Variants in MRPL13 observed in about 807,000 individuals in gnomAD.
The protein encoded by MRPL13 is large ribosomal subunit protein uL13m.
In MRPL13, 33 loss-of-function variants were observed where a neutral mutation model predicts 29.0. The observed-to-expected ratio is 1.14, with a 90% CI of 0.86 to 1.52. The LOEUF is 1.52. Among genes scored for constraint, MRPL13 ranks in the 40% most tolerant of loss-of-function variants. The pLI is 0.00. For missense variants in MRPL13, 227 were observed against 216.7 expected, an observed-to-expected ratio of 1.05 and a Z score of -0.30; for synonymous variants, 77 against 68.4, an observed-to-expected ratio of 1.13 and a Z score of -0.62.
At chr8:120,412,116 A>G in intron 6 of MRPL13, among the ~76,000 whole-genome samples, 1 of 152,112 alleles carries the variant, frequency 6.6e-6, no homozygotes, top group Non-Finnish European at 1.5e-5. Flanking sequence ...ATTATTTCTA[A>G]TTTTAAAAAA....
At chr8:120,421,340 C>T (rs1812872317) in intron 4 of MRPL13, among the ~76,000 whole-genome samples, 1 of 151,728 alleles carries the variant, frequency 6.6e-6, no homozygotes. Flanking sequence ...GAATAATCTA[C>T]ATCATTATGA....
At chr8:120,431,636 G>C (rs565219296) in intron 3 of MRPL13, among the ~76,000 whole-genome samples, 12 of 152,278 alleles carry the variant, frequency 7.9e-5, no homozygotes, top group African/African-American at 2.4e-4. Context: ...ACTTAAGAGA[G>C]ATACTGACAA....
At chr8:120,425,475 G>T in intron 3 of MRPL13, 109 bp from the exon 4 acceptor site, 1 of 734,028 alleles carries the variant, frequency 1.4e-6, no homozygotes, top group Non-Finnish European at 2.2e-6. Flanking sequence ...TCTCGAAACT[G>T]CTTTTCATTA....
intron 3 of MRPL13, among the ~76,000 whole-genome samples, chr8:120,429,540 A>C (rs1332828699): frequency 6.6e-6 from 1 of 152,064 alleles, no homozygotes; most frequent in Non-Finnish European, 1.5e-5. Context: ...GATGTTTATC[A>C]GCCCCTTATA....
chr8:120,420,020 A>C (rs1812851855), intron 4 of MRPL13, 82 bp from the exon 5 acceptor site: 1 of 889,776 alleles, frequency 1.1e-6, no homozygotes, highest in Admixed American at 3.2e-5. Context: ...ATGATGATGA[A>C]AATGAGGGGT....
intron 2 of MRPL13, among the ~76,000 whole-genome samples, chr8:120,439,060 A>G (rs1338048881): frequency 6.6e-6 from 1 of 152,230 alleles, no homozygotes; most frequent in Non-Finnish European, 1.5e-5. Flanking sequence ...TTTATTTGTT[A>G]CCCCAAAATC....
intron 2 of MRPL13, among the ~76,000 whole-genome samples, chr8:120,436,833 A>G (rs1227291234): frequency 6.6e-6 from 1 of 152,226 alleles, no homozygotes; most frequent in Non-Finnish European, 1.5e-5. Flanking sequence ...GTGATAAACA[A>G]CAAAGTTTGG....
intron 6 of MRPL13, among the ~76,000 whole-genome samples, chr8:120,413,173 C>T (rs1812760038): frequency 6.6e-6 from 1 of 152,092 alleles, no homozygotes; most frequent in Non-Finnish European, 1.5e-5. Flanking sequence ...TTCCTAAAGT[C>T]ACTTATAAAA....
chr8:120,408,988 C>T (rs1398576324), intron 6 of MRPL13, among the ~76,000 whole-genome samples: 1 of 152,176 alleles, frequency 6.6e-6, no homozygotes, highest in Non-Finnish European at 1.5e-5. Flanking sequence ...TAATCCTCAT[C>T]CTACTTTCGA....
intron 5 of MRPL13, among the ~76,000 whole-genome samples, chr8:120,417,565 G>A (rs776184332): frequency 1.5e-4 from 23 of 151,994 alleles, no homozygotes; most frequent in African/African-American, 3.4e-4. Flanking sequence ...CACTGTAGCC[G>A]TATAGATTTT....
chr8:120,429,833 TTCAAA>T (rs1296061837), intron 3 of MRPL13, among the ~76,000 whole-genome samples: 4 of 152,200 alleles, frequency 2.6e-5, no homozygotes, highest in Non-Finnish European at 5.9e-5. Context: ...TCTTGTATAC[TTCAAA>T]TCATCTCTAG....
At chr8:120,416,299 C>T (rs1413434559) in intron 5 of MRPL13, among the ~76,000 whole-genome samples, 1 of 152,008 alleles carries the variant, frequency 6.6e-6, no homozygotes, top group Non-Finnish European at 1.5e-5. Context: ...TCGAGACCAT[C>T]CTGGCTAACA....
intron 4 of MRPL13, among the ~76,000 whole-genome samples, chr8:120,421,347 A>C (rs1812872443): frequency 6.6e-6 from 1 of 151,922 alleles, no homozygotes; most frequent in South Asian, 2.1e-4. Context: ...CTACATCATT[A>C]TGAAAAATTT....
chr8:120,439,162 G>A (rs1385256233), intron 2 of MRPL13, among the ~76,000 whole-genome samples: 3 of 152,226 alleles, frequency 2.0e-5, no homozygotes, highest in South Asian at 2.1e-4. Context: ...AGCTGAGGCT[G>A]AACAAGGTGA....
intron 5 of MRPL13, chr8:120,415,301 A>G (rs1181694629): frequency 6.6e-6 from 1 of 152,206 alleles, no homozygotes; most frequent in Non-Finnish European, 1.5e-5. Flanking sequence ...TTCTCATTAT[A>G]GTATGTGTAC....
chr8:120,419,977 C>G (rs1388131904), intron 4 of MRPL13, 39 bp from the exon 5 acceptor site: 16 of 1,351,846 alleles, frequency 1.2e-5, no homozygotes, highest in Non-Finnish European at 1.6e-5. Flanking sequence ...AAAATTGTGA[C>G]TTGCGATAGT....
chr8:120,435,815 C>T (rs1227136960), intron 2 of MRPL13, among the ~76,000 whole-genome samples: 1 of 152,068 alleles, frequency 6.6e-6, no homozygotes, highest in Non-Finnish European at 1.5e-5. Context: ...TTAATGATAG[C>T]CATTCTGACT....
chr8:120,423,981 A>C (rs1378288639), intron 4 of MRPL13, among the ~76,000 whole-genome samples: 1 of 152,130 alleles, frequency 6.6e-6, no homozygotes, highest in Non-Finnish European at 1.5e-5. Flanking sequence ...ATACTGATGA[A>C]CCTTAGAGCT....
chr8:120,434,151 CAGAT>C (rs1813026908), intron 2 of MRPL13, among the ~76,000 whole-genome samples: 1 of 152,160 alleles, frequency 6.6e-6, no homozygotes, highest in Middle Eastern at 3.4e-3. Context: ...CCTAAGGTCT[CAGAT>C]AGGTTACACC....
Sources: gnomAD v4.1 joint callset for allele counts (sites outside exome capture counted in the v4.1 genomes callset) on GRCh38, gnomAD v4.1.1 for gene constraint, MANE v1.5 for transcripts, NCBI Gene and HGNC (gene_info 2026-07-23, HGNC 2026-07-21) for gene names.